The following TTC33 variants were observed in gnomAD, a reference collection of about 807,000 sequenced individuals.
TTC33 encodes the protein tetratricopeptide repeat domain 33.
In TTC33, 24 loss-of-function variants were observed where a neutral mutation model predicts 29.4. That is an observed-to-expected ratio of 0.82 (90% confidence interval 0.59 to 1.15). The LOEUF is 1.15. Ranked by LOEUF, TTC33 falls within the 50% of genes most tolerant of loss-of-function variation. TTC33 has a pLI of 0.00. For synonymous variants in TTC33, 107 were observed against 100.3 expected (o/e 1.07, Z -0.40); for missense variants, 286 against 310.4 (o/e 0.92, Z 0.59).
chr5:40,722,440 T>C (rs1468078285), intron 4 of TTC33, among the ~76,000 whole-genome samples: 1 of 134,972 alleles, frequency 7.4e-6, no homozygotes, highest in African/African-American at 2.9e-5. Flanking sequence ...TTCCCGGCCG[T>C]CATCCAGTCT....
chr5:40,736,001 A>C (rs1170667902), intron 2 of TTC33, among the ~76,000 whole-genome samples: 1 of 152,224 alleles, frequency 6.6e-6, no homozygotes, highest in Non-Finnish European at 1.5e-5. Context: ...GGATGTTATC[A>C]GGGTATGTTT....
chr5:40,745,904 G>T (rs1227378505), intron 2 of TTC33, among the ~76,000 whole-genome samples: 2 of 151,848 alleles, frequency 1.3e-5, no homozygotes, highest in Non-Finnish European at 2.9e-5. Context: ...CCAGCCAGTT[G>T]TACTATTCTT....
At chr5:40,737,523 G>A (rs969262121) in intron 2 of TTC33, among the ~76,000 whole-genome samples, 1 of 151,994 alleles carries the variant, frequency 6.6e-6, no homozygotes, top group African/African-American at 2.4e-5. Flanking sequence ...TATATGAAAC[G>A]AATATAGAAT....
rs751459705 is a variant in TTC33, at chr5:40,728,433, G to A, written c.347C>T (p.Ala116Val). The change falls in exon 4 of 5, where the codon GCA becomes GTA. Residue 116 changes from alanine to valine, a missense_variant. Physicochemically the swap from Ala to Val is moderately conservative, Grantham distance 64 (BLOSUM62 0). Transcript: ENST00000337702. ...LHEMFPAVHAAEMAVQQNPHS... is the reference protein window; with the variant it reads ...LHEMFPAVHAVEMAVQQNPHS... ...TGGATTTTGCTGGACGGCCATTTCT[G>A]CTGCATGTACTGCTGGGAACATTTC... 2 of 1,613,768 alleles carry A rather than the reference G, an allele frequency of 1.2e-6. No homozygotes were observed. The highest frequency in any genetic ancestry group is 1.1e-5 in the South Asian group (1 of 91,026).
intron 4 of TTC33, among the ~76,000 whole-genome samples, chr5:40,726,175 G>GTA (rs1001436312): frequency 2.0e-4 from 29 of 141,580 alleles, no homozygotes; most frequent in African/African-American, 6.3e-4. Flanking sequence ...ACACACACAC[G>GTA]TATATATATA....
intron 1 of TTC33, among the ~76,000 whole-genome samples, chr5:40,753,955 T>C (rs1311218064): frequency 5.3e-5 from 8 of 150,074 alleles, no homozygotes; most frequent in Non-Finnish European, 1.2e-4. Context: ...GTAGATTACA[T>C]GAGGGGCTGT....
chr5:40,737,641 G>A (rs1481715699), intron 2 of TTC33, among the ~76,000 whole-genome samples: 6 of 152,086 alleles, frequency 3.9e-5, no homozygotes, highest in African/African-American at 7.2e-5. Flanking sequence ...TTTCTGATGA[G>A]TTTTGAGAAA....
chr5:40,720,548 A>G (rs1561143232), intron 4 of TTC33, among the ~76,000 whole-genome samples: 1 of 152,226 alleles, frequency 6.6e-6, no homozygotes, highest in Non-Finnish European at 1.5e-5. Context: ...AAATCTCCCA[A>G]GGGCACTCCT....
At chr5:40,724,075 C>G (rs1742221725) in intron 4 of TTC33, among the ~76,000 whole-genome samples, 1 of 152,112 alleles carries the variant, frequency 6.6e-6, no homozygotes, top group South Asian at 2.1e-4. Context: ...ATTAGCACTC[C>G]CAGGTTCATG....
At chr5:40,745,269 A>G (rs888538717) in intron 2 of TTC33, among the ~76,000 whole-genome samples, 2 of 151,882 alleles carry the variant, frequency 1.3e-5, no homozygotes, top group African/African-American at 4.8e-5. Flanking sequence ...TAGATATAAA[A>G]TTGTTAATTT....
intron 2 of TTC33, among the ~76,000 whole-genome samples, chr5:40,738,623 G>C (rs1385544263): frequency 6.8e-6 from 1 of 146,826 alleles, no homozygotes; most frequent in East Asian, 2.1e-4. Flanking sequence ...GAAACAACCA[G>C]ACAGTTTGCC....
At chr5:40,752,592 C>A (rs1742915056) in intron 1 of TTC33, among the ~76,000 whole-genome samples, 1 of 152,296 alleles carries the variant, frequency 6.6e-6, no homozygotes, top group African/African-American at 2.4e-5. Context: ...GTTGGTGGTA[C>A]AGCATTCAAA....
intron 2 of TTC33, among the ~76,000 whole-genome samples, chr5:40,735,670 G>C (rs769572005): frequency 6.6e-6 from 1 of 152,194 alleles, no homozygotes; most frequent in Non-Finnish European, 1.5e-5. Context: ...GAGAGCAAAA[G>C]GAAAGGAGCA....
intron 2 of TTC33, among the ~76,000 whole-genome samples, chr5:40,737,859 T>C (rs1742589399): frequency 6.6e-6 from 1 of 152,240 alleles, no homozygotes; most frequent in African/African-American, 2.4e-5. Context: ...TCCTGACTTC[T>C]TTCCCTTAGC....
chr5:40,730,818 G>A (rs1742409642), intron 2 of TTC33, among the ~76,000 whole-genome samples: 1 of 151,848 alleles, frequency 6.6e-6, no homozygotes, highest in African/African-American at 2.4e-5. Context: ...CTTAGAAATG[G>A]GTTCATATGT....
chr5:40,753,929 A>C (rs114198422), intron 1 of TTC33, among the ~76,000 whole-genome samples: 2,601 of 152,150 alleles, frequency 0.017, 77 homozygotes, highest in African/African-American at 0.06. Context: ...AAAAAAAAAA[A>C]CCGTTGATCA....
intron 4 of TTC33, among the ~76,000 whole-genome samples, chr5:40,717,990 AG>A (rs943768115): frequency 1.6e-4 from 25 of 152,084 alleles, no homozygotes; most frequent in African/African-American, 6.0e-4. Context: ...TGAACTCGGG[AG>A]GCGGAGGTTG....
chr5:40,725,602 G>A (rs1277720844), intron 4 of TTC33, among the ~76,000 whole-genome samples: 1 of 152,134 alleles, frequency 6.6e-6, no homozygotes, highest in Non-Finnish European at 1.5e-5. Flanking sequence ...ACTGAAGGCT[G>A]AGAACCCTGG....
At position 40,719,160 on chromosome 5, in the gene TTC33, T is replaced by C. The variant is rs536754723; in HGVS notation, c.436-2662A>G. On this transcript the variant is annotated intron_variant, in intron 4 of 4. Coordinates refer to ENST00000337702, the MANE Select transcript of TTC33 (RefSeq NM_012382.3). ...CACACAGCCATCACCCATAATCAAT[T>C]CTAGAACATTTTTATCACCCCCAAA... 9.2e-5 allele frequency among the ~76,000 whole-genome samples: 14 copies of C among 152,188 alleles called. No individual in the cohort carries two copies. In the South Asian group the frequency reaches 1.7e-3, roughly 18 times the overall value.
Sources: allele counts gnomAD v4.1 joint callset (sites outside exome capture counted in the v4.1 genomes callset), GRCh38; gene constraint gnomAD v4.1.1; transcripts MANE v1.5; gene names NCBI Gene and HGNC (gene_info 2026-07-23, HGNC 2026-07-21).